The following NCKAP5 variants were observed in gnomAD, a reference collection of about 807,000 sequenced individuals.
NCKAP5 encodes the protein NCK associated protein 5.
In NCKAP5, 92 loss-of-function variants were observed where a neutral mutation model predicts 167.0. That is an observed-to-expected ratio of 0.55 (90% CI 0.47 to 0.66). The LOEUF is 0.66. Among genes scored for constraint, NCKAP5 ranks in the 30% least tolerant of loss-of-function variants. The pLI is 0.00. For synonymous variants in NCKAP5, 891 were observed against 877.4 expected (o/e 1.02, Z -0.27); for missense variants, 2,378 against 2,315.0 (o/e 1.03, Z -0.56).
chr2:133,160,534 C>T (rs545845405), intron 5 of NCKAP5, among the ~76,000 whole-genome samples: 1 of 148,796 alleles, frequency 6.7e-6, no homozygotes, highest in Non-Finnish European at 1.5e-5. Context: ...ACTCCCAGGT[C>T]ATATTCTGAG....
At chr2:133,501,763 A>G (rs997368784) in intron 3 of NCKAP5, among the ~76,000 whole-genome samples, 2 of 152,210 alleles carry the variant, frequency 1.3e-5, no homozygotes, top group Non-Finnish European at 2.9e-5. Flanking sequence ...TAACTTTTCT[A>G]AAGGATTAAT....
chr2:133,307,049 T>C (rs1486992119), intron 3 of NCKAP5, among the ~76,000 whole-genome samples: 1 of 152,214 alleles, frequency 6.6e-6, no homozygotes, highest in African/African-American at 2.4e-5. Flanking sequence ...AAGCCTTGCT[T>C]TGTTCAGCAT....
At chr2:132,703,646 G>C (rs189244593) in intron 19 of NCKAP5, among the ~76,000 whole-genome samples, 222 of 152,282 alleles carry the variant, frequency 1.5e-3, no homozygotes, top group African/African-American at 5.0e-3. Flanking sequence ...GCACAGAGGA[G>C]AGCATTGAGA....
At chr2:132,695,800 C>T (rs1386690404) in intron 19 of NCKAP5, among the ~76,000 whole-genome samples, 1 of 152,198 alleles carries the variant, frequency 6.6e-6, no homozygotes. Context: ...TCCCTTTCAA[C>T]CGTTTACACA....
chr2:133,621,400 A>AAG, the NCKAP5 span, among the ~76,000 whole-genome samples: 1 of 152,200 alleles, frequency 6.6e-6, no homozygotes, highest in East Asian at 1.9e-4. Flanking sequence ...GAAAGGAGAA[A>AAG]GAAGATCCAA....
chr2:133,498,482 G>GGAAA (rs1682167505), intron 3 of NCKAP5, among the ~76,000 whole-genome samples: 1 of 128,000 alleles, frequency 7.8e-6, no homozygotes, highest in Non-Finnish European at 1.7e-5. Context: ...AAGGAAGGAA[G>GGAAA]GCAGGCAGGC....
At chr2:133,200,697 A>G (rs2085648080) in intron 5 of NCKAP5, among the ~76,000 whole-genome samples, 1 of 152,310 alleles carries the variant, frequency 6.6e-6, no homozygotes, top group East Asian at 1.9e-4. Flanking sequence ...AGGAGAACAT[A>G]TTTGCCAATC....
chr2:133,145,877 G>A (rs1430158108), intron 5 of NCKAP5, among the ~76,000 whole-genome samples: 1 of 151,910 alleles, frequency 6.6e-6, no homozygotes, highest in African/African-American at 2.4e-5. Flanking sequence ...AGATTGCATC[G>A]ACTCCAGTGC....
chr2:133,129,048 A>G (rs1207643691), intron 6 of NCKAP5, among the ~76,000 whole-genome samples: 2 of 151,518 alleles, frequency 1.3e-5, no homozygotes, highest in East Asian at 3.9e-4. Context: ...TTTGTCTTAA[A>G]ATAGGATTGC....
chr2:132,991,572 T>A (rs1490047956), intron 7 of NCKAP5, among the ~76,000 whole-genome samples: 1 of 152,188 alleles, frequency 6.6e-6, no homozygotes, highest in African/African-American at 2.4e-5. Flanking sequence ...CTACCTTTAA[T>A]GCATGCAAAG....
intron 4 of NCKAP5, among the ~76,000 whole-genome samples, chr2:133,264,778 G>C (rs527504933): frequency 6.6e-6 from 1 of 152,330 alleles, no homozygotes; most frequent in Admixed American, 6.5e-5. Flanking sequence ...AGAAGGAGTA[G>C]AGACAGGTGC....
intron 3 of NCKAP5, chr2:133,333,905 A>G (rs1444022196): frequency 2.6e-5 from 4 of 152,222 alleles, no homozygotes; most frequent in African/African-American, 9.6e-5. Flanking sequence ...GATGACACCC[A>G]AGTTTGTGAA....
chr2:133,312,297 T>C (rs1681295796), intron 3 of NCKAP5, among the ~76,000 whole-genome samples: 1 of 152,184 alleles, frequency 6.6e-6, no homozygotes. Flanking sequence ...AGACTATGAG[T>C]ACAGCTTAGC....
At chr2:133,023,660 G>A (rs749437496) in intron 6 of NCKAP5, among the ~76,000 whole-genome samples, 30 of 152,058 alleles carry the variant, frequency 2.0e-4, no homozygotes, top group Admixed American at 1.6e-3. Context: ...CCATGTATAC[G>A]TAGTGCTTAG....
At chr2:132,935,022 C>G (rs936824414) in intron 8 of NCKAP5, among the ~76,000 whole-genome samples, 2 of 152,190 alleles carry the variant, frequency 1.3e-5, no homozygotes, top group Non-Finnish European at 1.5e-5. Flanking sequence ...CCAATCAGTA[C>G]ATGGCTTTTT....
intron 4 of NCKAP5, among the ~76,000 whole-genome samples, chr2:133,269,529 A>AATATGATTGC (rs2089414324): frequency 6.6e-6 from 1 of 152,166 alleles, no homozygotes; most frequent in Admixed American, 6.5e-5. Context: ...GTGGCCCTTA[A>AATATGATTGC]ATATGATTGC....
chr2:133,220,664 C>A (rs971149646), intron 4 of NCKAP5, among the ~76,000 whole-genome samples: 1 of 152,074 alleles, frequency 6.6e-6, no homozygotes, highest in Admixed American at 6.6e-5. Flanking sequence ...TCAGAAAAGA[C>A]CTGCAAGGTT....
the NCKAP5 span, among the ~76,000 whole-genome samples, chr2:133,647,765 A>AGGAAGGAAAG: frequency 9.3e-6 from 1 of 107,046 alleles, no homozygotes; most frequent in Non-Finnish European, 2.0e-5. Context: ...AAAGAAAAGA[A>AGGAAGGAAAG]AAAAGAAAAG....
chr2:133,517,177 GT>G (rs1458474457), intron 3 of NCKAP5, among the ~76,000 whole-genome samples: 1 of 152,154 alleles, frequency 6.6e-6, no homozygotes, highest in African/African-American at 2.4e-5. Context: ...ATACAGTAGT[GT>G]TTTTGTATAG....
Sources: gnomAD v4.1 joint callset for allele counts (sites outside exome capture counted in the v4.1 genomes callset) on GRCh38, gnomAD v4.1.1 for gene constraint, MANE v1.5 for transcripts, NCBI Gene and HGNC (gene_info 2026-07-23, HGNC 2026-07-21) for gene names.